The following SLC41A3 variants were observed in gnomAD, a reference collection of about 807,000 sequenced individuals.
SLC41A3 encodes the protein SLC41A1-like 2.
A neutral mutation model predicts 45.4 loss-of-function variants in SLC41A3; 44 were observed. The observed-to-expected ratio is 0.97, with a 90% CI of 0.76 to 1.25. The LOEUF (loss-of-function observed/expected upper bound fraction) is 1.25. Ranked by LOEUF, SLC41A3 falls within the 50% of genes most tolerant of loss-of-function variation. The pLI is 0.00. For synonymous variants in SLC41A3, 256 were observed against 252.4 expected (o/e 1.01, Z -0.13); for missense variants, 550 against 600.6 (o/e 0.92, Z 0.88).
Position 126,012,518 on chromosome 3 carries a change from C to A in SLC41A3, c.1105+97G>T, listed in dbSNP as rs1939821369. 5.3e-6 allele frequency: 8 copies of A among 1,518,134 alleles called. No individual in the cohort carries two copies. In the Admixed American group the frequency reaches 1.4e-4, roughly 26 times the overall value. The allele number at this position is 1,518,134 out of a possible 1,614,324, so 94.0% of individuals were successfully genotyped here. A position where few individuals can be genotyped will look rare whatever the true frequency, so the allele number is the denominator to read the frequency against. ...TGTGTGCCGAGATCAGCCCTGGCTT[C>A]AGGCATCCATTGCTACAAACACCAG... On this transcript the variant is annotated intron_variant, in intron 9 of 10. Transcript: ENST00000360370.
chr3:126,040,220 T>A (rs574842111), intron 3 of SLC41A3, among the ~76,000 whole-genome samples: 49 of 152,254 alleles, frequency 3.2e-4, no homozygotes, highest in Non-Finnish European at 5.7e-4. Flanking sequence ...CATAAATATC[T>A]ATCTACATAC....
At chr3:126,099,641 A>T (rs750387165) in intron 1 of SLC41A3, among the ~76,000 whole-genome samples, 22 of 152,208 alleles carry the variant, frequency 1.4e-4, no homozygotes, top group Non-Finnish European at 2.5e-4. Flanking sequence ...GGGAAGTTGC[A>T]GTGTGCTGAG....
In SLC41A3 at chr3:126,016,871, A is replaced by T; in HGVS notation, c.750T>A (p.Ser250Arg). 3 of 1,611,930 alleles carry T rather than the reference A, an allele frequency of 1.9e-6. No individual in the cohort carries two copies. Among genetic ancestry groups the T allele is most frequent in the Non-Finnish European group, 2.5e-6 (3 of 1,179,840 alleles). Residue 250 changes from serine (S) to arginine (R), a missense_variant, in exon 7 of 11, where the codon AGT becomes AGA. Ser to Arg is a moderately radical substitution (Grantham distance 110, BLOSUM62 -1). Transcript: ENST00000360370. The stretch of plus-strand genomic sequence containing the variant: ...GGCAGACCAGCGGCGTCAGATACCG[A>T]CTATCTGAAAGGAGAACAGGGACAC... Reference protein sequence around the residue: ...VSSFFYRHKDSRYLTPLVCLS... With the variant: ...VSSFFYRHKDRRYLTPLVCLS...
chr3:126,093,327 T>A (rs1400614815), intron 1 of SLC41A3, among the ~76,000 whole-genome samples: 2 of 152,202 alleles, frequency 1.3e-5, no homozygotes, highest in South Asian at 4.1e-4. Flanking sequence ...TCAGTGTAAC[T>A]CTAGGTTTGA....
chr3:126,014,947 G>A (rs35223716), intron 8 of SLC41A3, among the ~76,000 whole-genome samples: 2,501 of 152,316 alleles, frequency 0.016, 38 homozygotes, highest in Non-Finnish European at 0.025. Context: ...AGGGAAGGGG[G>A]AGATCAAGGC....
chr3:126,093,352 C>T lies in SLC41A3; in HGVS notation c.-79+8077G>A, dbSNP rs59112667. ...TCTAGGTTTGATAAAGATGGGAACC[C>T]GATTTTGGGAAATGCCATGAGGGGC... On this transcript the variant is annotated intron_variant, in intron 1 of 9. Transcript: ENST00000508835. 6.2e-3 allele frequency among the ~76,000 whole-genome samples: 938 copies of T among 152,266 alleles called. 11 individuals carry two copies. Among genetic ancestry groups the T allele is most frequent in the African/African-American group, 0.021 (877 of 41,546 alleles).
chr3:126,006,884 G>A lies in SLC41A3; in HGVS notation c.*132C>T. On this transcript the variant is annotated 3_prime_UTR_variant, in exon 11 of 11. Transcript: ENST00000360370. ...GCCGAGGTGTGTGAGAGCTACCTTAGCAGACTCACAAAAGGCTACTGCAGA... is the reference window on the plus strand; with the variant it reads ...GCCGAGGTGTGTGAGAGCTACCTTAACAGACTCACAAAAGGCTACTGCAGA... 6.5e-7 allele frequency: 1 copy of A among 1,528,724 alleles called. No homozygotes were observed. Among genetic ancestry groups the A allele is most frequent in the Non-Finnish European group, 8.8e-7 (1 of 1,142,202 alleles). 94.7% of individuals were successfully genotyped at this position (1,528,724 alleles called of 1,614,324 possible).
chr3:126,013,202 G>C (rs1342029908), intron 8 of SLC41A3, among the ~76,000 whole-genome samples: 1 of 152,014 alleles, frequency 6.6e-6, no homozygotes, highest in African/African-American at 2.4e-5. Flanking sequence ...CTGAGAAAAT[G>C]AAAGTGATTT....
At chr3:126,045,646 C>T (rs1475353946) in intron 3 of SLC41A3, among the ~76,000 whole-genome samples, 1 of 151,950 alleles carries the variant, frequency 6.6e-6, no homozygotes, top group African/African-American at 2.4e-5. Flanking sequence ...ACAAAGAAAA[C>T]CCAGGACCAG....
intron 2 of SLC41A3, among the ~76,000 whole-genome samples, chr3:126,060,589 T>A (rs761059890): frequency 1.3e-5 from 2 of 152,338 alleles, no homozygotes; most frequent in Admixed American, 6.5e-5. Flanking sequence ...CTATTTGCTT[T>A]TATAAATAAA....
At chr3:126,097,877 T>A (rs1263418159) in intron 1 of SLC41A3, among the ~76,000 whole-genome samples, 5 of 152,178 alleles carry the variant, frequency 3.3e-5, no homozygotes, top group African/African-American at 9.7e-5. Context: ...TCTTGGGACC[T>A]TGGTAAGTGG....
At chr3:126,095,239 C>T in intron 1 of SLC41A3, 2 of 691,720 alleles carry the variant, frequency 2.9e-6, no homozygotes, top group Non-Finnish European at 5.3e-6. Context: ...GAAACCTTAT[C>T]ATGAGCCAGA....
intron 4 of SLC41A3, among the ~76,000 whole-genome samples, chr3:126,032,985 C>T (rs980453200): frequency 1.3e-5 from 2 of 152,168 alleles, no homozygotes; most frequent in Admixed American, 6.5e-5. Context: ...TCCTCATCTC[C>T]CCCTGCCTTG....
upstream of SLC41A3, among the ~76,000 whole-genome samples, chr3:126,086,564 T>A (rs1945398841): frequency 6.6e-6 from 1 of 150,854 alleles, no homozygotes; most frequent in African/African-American, 2.4e-5. Context: ...TATAATAGAC[T>A]TCTATAATTT....
chr3:126,043,810 A>T (rs1942754318), intron 3 of SLC41A3, among the ~76,000 whole-genome samples: 1 of 143,722 alleles, frequency 7.0e-6, no homozygotes, highest in Admixed American at 6.9e-5. Context: ...CTGCAAAAAA[A>T]AACAAAAAAA....
At chr3:126,093,076 G>C (rs776607727) in intron 1 of SLC41A3, among the ~76,000 whole-genome samples, 3 of 152,198 alleles carry the variant, frequency 2.0e-5, no homozygotes, top group Non-Finnish European at 4.4e-5. Flanking sequence ...CAGCAAGCTA[G>C]AAGAGAGGGT....
chr3:126,051,061 A>G lies in SLC41A3; in HGVS notation c.274-11T>C. ...AAACACAGGCCAGTGCTGGTAGGGA[A>G]ACAGTAAGGAGATAAGCCAAACACA... On this transcript the variant is annotated splice_polypyrimidine_tract_variant and intron_variant, in intron 2 of 10. Coordinates refer to ENST00000360370, the MANE Select transcript of SLC41A3 (RefSeq NM_017836.4). 6.3e-7 allele frequency: 1 copy of G among 1,586,582 alleles called. No homozygotes were observed. Among genetic ancestry groups the G allele is most frequent in the Non-Finnish European group, 8.6e-7 (1 of 1,164,680 alleles).
chr3:126,014,251 C>T (rs1230786375), intron 8 of SLC41A3, among the ~76,000 whole-genome samples: 4 of 152,008 alleles, frequency 2.6e-5, no homozygotes, highest in Non-Finnish European at 5.9e-5. Context: ...TTGGCCCATA[C>T]ATAATTTTAA....
intron 2 of SLC41A3, among the ~76,000 whole-genome samples, chr3:126,067,108 GC>G (rs1309968604): frequency 8.8e-5 from 2 of 22,668 alleles, no homozygotes; most frequent in Non-Finnish European, 1.9e-4. Context: ...CCCGCCCCCC[GC>G]CCCGGCCACC....
Sources: allele counts gnomAD v4.1 joint callset (sites outside exome capture counted in the v4.1 genomes callset), GRCh38; gene constraint gnomAD v4.1.1; transcripts MANE v1.5; gene names NCBI Gene and HGNC (gene_info 2026-07-23, HGNC 2026-07-21).